VDAC1: variants seen among roughly 807,000 people sequenced by gnomAD.
VDAC1 encodes non-selective voltage-gated ion channel VDAC1.
Under a neutral mutation model 34.7 loss-of-function variants are expected in VDAC1, and 10 were observed. The ratio of observed to expected loss-of-function variants is 0.29; its 90% CI spans 0.18 to 0.49. The LOEUF (loss-of-function observed/expected upper bound fraction) is 0.49, where lower values mean the gene tolerates loss of function less well. VDAC1 is among the 20% of genes least tolerant of loss of function. The pLI, the probability that VDAC1 is intolerant of heterozygous loss-of-function variation, is 0.99. For missense variants in VDAC1, 230 were observed against 347.9 expected (o/e 0.66, Z 2.69); for synonymous variants, 130 against 136.0 (o/e 0.96, Z 0.30).
intron 1 of VDAC1, among the ~76,000 whole-genome samples, chr5:134,003,151 C>CG (rs1753625508): frequency 6.6e-6 from 1 of 152,220 alleles, no homozygotes; most frequent in African/African-American, 2.4e-5. Context: ...ACAGACCCTT[C>CG]TCAAGCACCT....
the VDAC1 span, among the ~76,000 whole-genome samples, chr5:134,036,385 A>G: frequency 5.2e-3 from 793 of 152,290 alleles, 10 homozygotes; most frequent in African/African-American, 0.018. Context: ...AGGGACATTC[A>G]AAATATAACT....
chr5:134,104,101 A>G, the VDAC1 span, among the ~76,000 whole-genome samples: 1 of 148,558 alleles, frequency 6.7e-6, no homozygotes, highest in African/African-American at 2.5e-5. Flanking sequence ...ACTAGGGCCC[A>G]GCCTGCTGCA....
chr5:134,108,484 C>T, the VDAC1 span, among the ~76,000 whole-genome samples: 1 of 152,150 alleles, frequency 6.6e-6, no homozygotes, highest in African/African-American at 2.4e-5. Flanking sequence ...TTACCCTGCC[C>T]ACCACATCCC....
the VDAC1 span, among the ~76,000 whole-genome samples, chr5:134,024,293 C>G: frequency 6.6e-6 from 1 of 151,986 alleles, no homozygotes; most frequent in East Asian, 1.9e-4. Context: ...TTTTGGGAGG[C>G]CGAGGAGGGC....
the VDAC1 span, among the ~76,000 whole-genome samples, chr5:134,010,042 C>G: frequency 6.6e-6 from 1 of 152,150 alleles, no homozygotes; most frequent in African/African-American, 2.4e-5. Flanking sequence ...CTTTTTTCAG[C>G]TTTAAGAAAG....
the VDAC1 span, among the ~76,000 whole-genome samples, chr5:134,036,017 A>G: frequency 6.6e-6 from 1 of 152,046 alleles, no homozygotes; most frequent in South Asian, 2.1e-4. Flanking sequence ...AAAAAAAAAA[A>G]AAAAAAAAAT....
the VDAC1 span, among the ~76,000 whole-genome samples, chr5:134,036,928 G>T: frequency 5.6e-3 from 845 of 151,032 alleles, 6 homozygotes; most frequent in African/African-American, 0.018. Flanking sequence ...ACTCTAGCCT[G>T]GGCAACAGAG....
chr5:133,994,264 T>C (rs1358327613), intron 1 of VDAC1, among the ~76,000 whole-genome samples: 1 of 152,220 alleles, frequency 6.6e-6, no homozygotes, highest in Non-Finnish European at 1.5e-5. Context: ...AAAGAAACAG[T>C]ATAAACTTCT....
At chr5:134,057,275 T>G in the VDAC1 span, among the ~76,000 whole-genome samples, 1 of 151,360 alleles carries the variant, frequency 6.6e-6, no homozygotes, top group African/African-American at 2.4e-5. Flanking sequence ...AGGTCAGGAG[T>G]TGGAGACCAG....
intron 6 of VDAC1, among the ~76,000 whole-genome samples, chr5:133,979,132 G>A (rs1445779250): frequency 1.3e-5 from 2 of 152,224 alleles, no homozygotes; most frequent in Non-Finnish European, 1.5e-5. Flanking sequence ...CAGATGAGTT[G>A]TGTCAGCTGC....
At chr5:134,042,485 TTTTG>T in the VDAC1 span, among the ~76,000 whole-genome samples, 1 of 151,942 alleles carries the variant, frequency 6.6e-6, no homozygotes, top group East Asian at 1.9e-4. Context: ...CATTTTTTGG[TTTTG>T]TTTTTCTTTT....
chr5:134,004,157 A>G (rs1753667064), intron 1 of VDAC1, among the ~76,000 whole-genome samples: 1 of 151,568 alleles, frequency 6.6e-6, no homozygotes, highest in East Asian at 2.0e-4. Context: ...GGGCCTGGGG[A>G]CTCGGGGCCA....
At chr5:133,995,700 C>G (rs1007573696) in intron 1 of VDAC1, among the ~76,000 whole-genome samples, 1 of 152,208 alleles carries the variant, frequency 6.6e-6, no homozygotes, top group African/African-American at 2.4e-5. Flanking sequence ...ACAGCTCTGC[C>G]GCTCCGAGAA....
chr5:134,087,160 C>T, the VDAC1 span, among the ~76,000 whole-genome samples: 2 of 152,270 alleles, frequency 1.3e-5, no homozygotes, highest in East Asian at 1.9e-4. Flanking sequence ...AGAGGGCGCA[C>T]ACCGGGCCTT....
chr5:134,082,672 A>C, the VDAC1 span, among the ~76,000 whole-genome samples: 1 of 152,204 alleles, frequency 6.6e-6, no homozygotes, highest in African/African-American at 2.4e-5. Context: ...TTTTATATTC[A>C]TATCAGCAAT....
chr5:134,055,635 T>TCA, the VDAC1 span, among the ~76,000 whole-genome samples: 103 of 138,300 alleles, frequency 7.4e-4, no homozygotes, highest in African/African-American at 2.7e-3. Context: ...AGACAGGGTT[T>TCA]CACCGTGGTC....
the VDAC1 span, among the ~76,000 whole-genome samples, chr5:134,018,154 T>C: frequency 1.3e-5 from 2 of 152,194 alleles, no homozygotes; most frequent in Non-Finnish European, 2.9e-5. Context: ...CTGCTCGGCT[T>C]CTGGTGAGGC....
the VDAC1 span, among the ~76,000 whole-genome samples, chr5:134,103,593 G>A: frequency 1.3e-5 from 2 of 152,188 alleles, no homozygotes; most frequent in Non-Finnish European, 1.5e-5. Flanking sequence ...GGGCACAAAG[G>A]AAAGGCCCAG....
At chr5:134,105,768 T>C in the VDAC1 span, among the ~76,000 whole-genome samples, 2 of 152,260 alleles carry the variant, frequency 1.3e-5, no homozygotes, top group Non-Finnish European at 1.5e-5. Context: ...GGGGTGGCCC[T>C]GCTCCCTTGG....
Sources: gnomAD v4.1 joint callset for allele counts (sites outside exome capture counted in the v4.1 genomes callset) on GRCh38, gnomAD v4.1.1 for gene constraint, MANE v1.5 for transcripts, NCBI Gene and HGNC (gene_info 2026-07-23, HGNC 2026-07-21) for gene names.